The following RBMS3 variants were observed in gnomAD, a reference collection of about 807,000 sequenced individuals.
RBMS3 encodes the protein RNA binding motif single stranded interacting protein 3, also known as RNA-binding motif, single-stranded-interacting protein 3.
RBMS3 carries 27 observed loss-of-function variants against 66.8 expected under a neutral mutation model. The observed-to-expected ratio is 0.40, with a 90% confidence interval of 0.30 to 0.56. The LOEUF is 0.56. Among genes scored for constraint, RBMS3 ranks in the 20% least tolerant of loss-of-function variants. The pLI is 0.40. For synonymous variants in RBMS3, 188 were observed against 183.0 expected (o/e 1.03, Z -0.22); for missense variants, 513 against 549.5 (o/e 0.93, Z 0.66).
chr3:29,533,701 C>T (rs916512968), intron 3 of RBMS3, among the ~76,000 whole-genome samples: 47 of 152,226 alleles, frequency 3.1e-4, no homozygotes, highest in African/African-American at 9.6e-4. Context: ...CACTTGAACT[C>T]GGGAGGTGGA....
intron 1 of RBMS3, among the ~76,000 whole-genome samples, chr3:29,308,336 CTG>C (rs1016938406): frequency 5.3e-5 from 8 of 151,786 alleles, no homozygotes; most frequent in Non-Finnish European, 1.5e-5. Context: ...ATCAGGCACT[CTG>C]TTAGGTTGAA....
intron 12 of RBMS3, among the ~76,000 whole-genome samples, chr3:29,980,342 A>T (rs919546441): frequency 5.3e-5 from 8 of 152,216 alleles, no homozygotes; most frequent in African/African-American, 1.7e-4. Context: ...GCCCTTTGTC[A>T]GATGGATAGA....
At chr3:29,644,913 A>G (rs1266651815) in intron 4 of RBMS3, among the ~76,000 whole-genome samples, 1 of 152,210 alleles carries the variant, frequency 6.6e-6, no homozygotes, top group Non-Finnish European at 1.5e-5. Context: ...AACATCTTTC[A>G]TCTGAAAATA....
intron 2 of RBMS3, among the ~76,000 whole-genome samples, chr3:29,447,918 T>A (rs1438053903): frequency 2.0e-5 from 3 of 152,178 alleles, no homozygotes; most frequent in Non-Finnish European, 2.9e-5. Flanking sequence ...CTTCCACACA[T>A]GAGTTTTCAG....
At chr3:29,967,347 T>A (rs1696918570) in intron 12 of RBMS3, among the ~76,000 whole-genome samples, 1 of 152,124 alleles carries the variant, frequency 6.6e-6, no homozygotes, top group Non-Finnish European at 1.5e-5. Context: ...TTTATTTTTG[T>A]TTTTGAGACA....
At chr3:29,456,170 T>C (rs1207427621) in intron 2 of RBMS3, among the ~76,000 whole-genome samples, 2 of 152,210 alleles carry the variant, frequency 1.3e-5, no homozygotes, top group Non-Finnish European at 2.9e-5. Context: ...TTAGTTTCTG[T>C]GGAGTATTTT....
intron 3 of RBMS3, among the ~76,000 whole-genome samples, chr3:29,524,326 C>G (rs1236182987): frequency 6.6e-6 from 1 of 151,402 alleles, no homozygotes; most frequent in East Asian, 1.9e-4. Flanking sequence ...CTTATGATGC[C>G]TGAGAACTGA....
intron 7 of RBMS3, among the ~76,000 whole-genome samples, chr3:29,869,429 A>G (rs1232094155): frequency 6.6e-6 from 1 of 152,036 alleles, no homozygotes; most frequent in African/African-American, 2.4e-5. Flanking sequence ...GCATATTCCC[A>G]TATGTTCATA....
At chr3:29,528,313 A>T (rs1475146273) in intron 3 of RBMS3, among the ~76,000 whole-genome samples, 1 of 152,054 alleles carries the variant, frequency 6.6e-6, no homozygotes, top group Non-Finnish European at 1.5e-5. Flanking sequence ...GGGTTTCACC[A>T]TGTTGACCAG....
At chr3:29,996,583 G>A (rs879290888) in intron 14 of RBMS3, among the ~76,000 whole-genome samples, 1,587 of 149,578 alleles carry the variant, frequency 0.011, 9 homozygotes, top group Middle Eastern at 0.041. Context: ...AGACCACAGT[G>A]CAATCAAACT....
At chr3:29,999,097 G>T (rs569842701) in intron 14 of RBMS3, among the ~76,000 whole-genome samples, 1 of 152,022 alleles carries the variant, frequency 6.6e-6, no homozygotes, top group South Asian at 2.1e-4. Flanking sequence ...CAAAAAGTGG[G>T]CAAAGAATAT....
intron 10 of RBMS3, among the ~76,000 whole-genome samples, chr3:29,924,481 C>T (rs1342992236): frequency 6.6e-6 from 1 of 151,868 alleles, no homozygotes; most frequent in Non-Finnish European, 1.5e-5. Flanking sequence ...TAAATTTCTA[C>T]ATCCATGAAT....
intron 2 of RBMS3, among the ~76,000 whole-genome samples, chr3:29,462,070 C>T (rs867783558): frequency 1.4e-4 from 21 of 151,750 alleles, no homozygotes; most frequent in Admixed American, 3.9e-4. Flanking sequence ...CCACCGCGCC[C>T]GGCTCTACTT....
chr3:29,736,157 C>A (rs1441716767), intron 4 of RBMS3, among the ~76,000 whole-genome samples: 1 of 152,032 alleles, frequency 6.6e-6, no homozygotes, highest in Non-Finnish European at 1.5e-5. Context: ...AATTTAAATT[C>A]TATTTTCAAC....
At chr3:29,308,627 A>G (rs1329262656) in intron 1 of RBMS3, among the ~76,000 whole-genome samples, 1 of 151,678 alleles carries the variant, frequency 6.6e-6, no homozygotes, top group Non-Finnish European at 1.5e-5. Flanking sequence ...GCGATTTGAT[A>G]TGAATTTTAA....
chr3:29,369,858 C>T (rs926033764), intron 1 of RBMS3, among the ~76,000 whole-genome samples: 13 of 152,040 alleles, frequency 8.6e-5, no homozygotes, highest in African/African-American at 1.7e-4. Context: ...AATTCTACCC[C>T]GATTTACAGT....
rs527337038 is a variant in RBMS3, at chr3:29,960,524, C to T, written c.1098+16270C>T. On this transcript the variant is annotated intron_variant, in intron 12 of 14. Coordinates refer to ENST00000383767, the MANE Select transcript of RBMS3 (RefSeq NM_001003793.3). ...TTTTCACAGCTCCAGTAGGCAGTGC[C>T]CCAGGGGGGACTCTGTGTGGGAACT... Among the ~76,000 whole-genome samples the T allele has an allele frequency of 5.3e-5, 8 of 152,296 alleles. 1 individual carries two copies. In the South Asian group the frequency reaches 1.7e-3, roughly 32 times the overall value.
At chr3:29,974,604 T>C (rs372687185) in intron 12 of RBMS3, among the ~76,000 whole-genome samples, 118 of 151,678 alleles carry the variant, frequency 7.8e-4, no homozygotes, top group South Asian at 2.7e-3. Context: ...CCTTTTATAA[T>C]CCCCACAAAA....
chr3:29,505,619 T>C (rs1036062460), intron 3 of RBMS3, among the ~76,000 whole-genome samples: 1 of 151,716 alleles, frequency 6.6e-6, no homozygotes, highest in African/African-American at 2.4e-5. Context: ...CTGTGAAAAA[T>C]GTTATTGGAA....
Sources: gnomAD v4.1 joint callset for allele counts (sites outside exome capture counted in the v4.1 genomes callset) on GRCh38, gnomAD v4.1.1 for gene constraint, MANE v1.5 for transcripts, NCBI Gene and HGNC (gene_info 2026-07-23, HGNC 2026-07-21) for gene names.